The following SAMD5 variants were observed in gnomAD, a reference collection of about 807,000 sequenced individuals.
The protein encoded by SAMD5 is sterile alpha motif domain-containing protein 5.
In SAMD5, 13 loss-of-function variants were observed where a neutral mutation model predicts 11.3. The ratio of observed to expected loss-of-function variants is 1.15; its 90% CI spans 0.75 to 1.83. The LOEUF (loss-of-function observed/expected upper bound fraction) is 1.83, where lower values mean the gene tolerates loss of function less well. Ranked by LOEUF, SAMD5 falls within the 40% of genes most tolerant of loss-of-function variation. The pLI is 0.00. For missense variants in SAMD5, 255 were observed against 239.1 expected (o/e 1.07, Z -0.44); for synonymous variants, 129 against 111.3 (o/e 1.16, Z -1.00).
At chr6:147,578,130 G>C (rs186197162) in intron 1 of SAMD5, among the ~76,000 whole-genome samples, 32 of 152,248 alleles carry the variant, frequency 2.1e-4, no homozygotes, top group Admixed American at 1.9e-3. Flanking sequence ...GGATAAGAAA[G>C]AGCCATGCAT....
the SAMD5 span, among the ~76,000 whole-genome samples, chr6:147,813,827 C>T: frequency 1.3e-5 from 2 of 152,220 alleles, no homozygotes; most frequent in South Asian, 4.1e-4. Flanking sequence ...CAAGGGGAAG[C>T]TCATGGTTGC....
chr6:147,538,572 TCAGA>T (rs1355931538), intron 1 of SAMD5, among the ~76,000 whole-genome samples: 1 of 152,192 alleles, frequency 6.6e-6, no homozygotes, highest in Non-Finnish European at 1.5e-5. Context: ...TCCTAGGACG[TCAGA>T]CAGAAATGAA....
chr6:147,907,339 T>C, the SAMD5 span, among the ~76,000 whole-genome samples: 1 of 152,234 alleles, frequency 6.6e-6, no homozygotes, highest in Non-Finnish European at 1.5e-5. Flanking sequence ...TTCCTGCTTT[T>C]TCTATGCTGG....
Position 147,512,323 on chromosome 6 carries a change from TG to T in SAMD5, c.459+2937del, listed in dbSNP as rs1382947021. On this transcript the variant is annotated intron_variant, in intron 1 of 1. Transcript: ENST00000367474. ...GTGGAGTGGGCTTTTCAGTCTCCTT[TG>T]CAGTCATTTGCATCAATGATGCCTG... 2.0e-5 allele frequency among the ~76,000 whole-genome samples: 3 copies of T among 152,298 alleles called. No individual in the cohort carries two copies. In the East Asian group the frequency reaches 5.8e-4, roughly 29 times the overall value.
At chr6:147,722,012 GA>G (rs563772084) in intron 1 of SAMD5, among the ~76,000 whole-genome samples, 12 of 152,118 alleles carry the variant, frequency 7.9e-5, no homozygotes, top group Middle Eastern at 3.4e-3. Flanking sequence ...ATAAAAGAAA[GA>G]AAAAAATATG....
chr6:147,794,226 G>A, the SAMD5 span, among the ~76,000 whole-genome samples: 4 of 152,136 alleles, frequency 2.6e-5, no homozygotes, highest in Non-Finnish European at 5.9e-5. Context: ...TACAATGGTT[G>A]TAACACCTAC....
the SAMD5 span, among the ~76,000 whole-genome samples, chr6:147,895,445 G>T: frequency 6.6e-6 from 1 of 152,108 alleles, no homozygotes; most frequent in Non-Finnish European, 1.5e-5. Context: ...AGTGAAATAT[G>T]AGAATGAAAA....
chr6:147,720,408 A>C (rs1168559884), intron 1 of SAMD5, among the ~76,000 whole-genome samples: 2 of 151,784 alleles, frequency 1.3e-5, no homozygotes, highest in Admixed American at 6.6e-5. Context: ...GCTTGCAGTG[A>C]GCCGAGATAG....
chr6:147,912,756 A>G, the SAMD5 span, among the ~76,000 whole-genome samples: 1 of 152,278 alleles, frequency 6.6e-6, no homozygotes, highest in South Asian at 2.1e-4. Flanking sequence ...TGGTATGAGA[A>G]TGATCACCAG....
chr6:147,912,932 A>G, the SAMD5 span, among the ~76,000 whole-genome samples: 1 of 152,096 alleles, frequency 6.6e-6, no homozygotes, highest in Non-Finnish European at 1.5e-5. Context: ...CCAGAACGCA[A>G]TGAAGTTGGT....
the SAMD5 span, among the ~76,000 whole-genome samples, chr6:147,934,427 C>T: frequency 6.6e-6 from 1 of 152,120 alleles, no homozygotes; most frequent in African/African-American, 2.4e-5. Context: ...AGCGAAAAAT[C>T]ACCATTCTGT....
chr6:147,689,985 T>C (rs1470236124), intron 1 of SAMD5, among the ~76,000 whole-genome samples: 1 of 152,216 alleles, frequency 6.6e-6, no homozygotes, highest in Non-Finnish European at 1.5e-5. Flanking sequence ...ATAGTTTGGC[T>C]GAGGATCTGC....
the SAMD5 span, among the ~76,000 whole-genome samples, chr6:147,892,033 A>G: frequency 6.6e-6 from 1 of 152,312 alleles, no homozygotes; most frequent in South Asian, 2.1e-4. Context: ...GTCCAGTCAC[A>G]TTGCACGGCT....
At chr6:147,899,235 C>T in the SAMD5 span, among the ~76,000 whole-genome samples, 3 of 149,408 alleles carry the variant, frequency 2.0e-5, no homozygotes, top group African/African-American at 5.0e-5. Flanking sequence ...AAAGTATTTT[C>T]CTCATGCAAG....
chr6:147,939,157 A>T, the SAMD5 span, among the ~76,000 whole-genome samples: 1 of 152,206 alleles, frequency 6.6e-6, no homozygotes, highest in Non-Finnish European at 1.5e-5. Flanking sequence ...ATTGGAAGAG[A>T]TGCCCAGGGC....
the SAMD5 span, among the ~76,000 whole-genome samples, chr6:147,763,723 C>T: frequency 6.6e-6 from 1 of 151,950 alleles, no homozygotes; most frequent in Non-Finnish European, 1.5e-5. Context: ...GCTGGGACTA[C>T]AGGCGCCCAC....
chr6:147,622,961 C>T (rs1789993932), intron 1 of SAMD5, among the ~76,000 whole-genome samples: 3 of 152,142 alleles, frequency 2.0e-5, no homozygotes. Context: ...GACTTATTCA[C>T]TACCATGGGA....
intron 1 of SAMD5, among the ~76,000 whole-genome samples, chr6:147,663,831 C>G (rs1409856006): frequency 3.4e-5 from 5 of 145,896 alleles, no homozygotes; most frequent in Admixed American, 1.4e-4. Context: ...AAGAAAAAGC[C>G]TTATCATCTG....
At chr6:147,898,006 G>C in the SAMD5 span, among the ~76,000 whole-genome samples, 1 of 144,272 alleles carries the variant, frequency 6.9e-6, no homozygotes, top group South Asian at 2.2e-4. Context: ...TAGGATGCCA[G>C]CTGCAGGCTG....
Sources: gnomAD v4.1 joint callset for allele counts (sites outside exome capture counted in the v4.1 genomes callset) on GRCh38, gnomAD v4.1.1 for gene constraint, MANE v1.5 for transcripts, NCBI Gene and HGNC (gene_info 2026-07-23, HGNC 2026-07-21) for gene names.